The following ERN1 variants were observed in gnomAD, a reference collection of about 807,000 sequenced individuals.
ERN1 encodes serine/threonine-protein kinase/endoribonuclease IRE1.
In ERN1, 39 loss-of-function variants were observed where a neutral mutation model predicts 113.1. The observed-to-expected ratio is 0.34, with a 90% CI of 0.27 to 0.45. The LOEUF (loss-of-function observed/expected upper bound fraction) is 0.45. Ranked by LOEUF, ERN1 falls within the 20% of genes least tolerant of loss-of-function variation. ERN1 has a pLI of 1.00. For synonymous variants in ERN1, 507 were observed against 515.9 expected (o/e 0.98, Z 0.23); for missense variants, 976 against 1,274.8 (o/e 0.77, Z 3.57).
rs1913742881 is a variant in ERN1, at chr17:64,080,787, G to A, written c.197C>T (p.Thr66Ile). The A allele has an allele frequency of 3.7e-6, 6 of 1,610,832 alleles. No individual in the cohort carries two copies. Among genetic ancestry groups the A allele is most frequent in the Non-Finnish European group, 5.1e-6 (6 of 1,178,474 alleles). Residue 66 changes from threonine (T) to isoleucine (I), a missense_variant, in exon 3 of 22, where the codon ACA becomes ATA. Around this residue, in one of 5 missense-constraint regions of ERN1, gnomAD observed 459 missense variants for 581.2 expected, o/e 0.79. Coordinates refer to ENST00000433197, the MANE Select transcript of ERN1 (RefSeq NM_001433.5). ...LKEDPVLQVP[T>I]HVEEPAFLPD... ...TCAGAAAACTTACTCTTCCACATGT[G>A]TTGGGACCTGCAGGACTGGATCTGT... is the stretch of plus-strand genomic sequence containing the variant.
intron 12 of ERN1, among the ~76,000 whole-genome samples, chr17:64,057,383 TC>T (rs1912905961): frequency 6.6e-6 from 1 of 151,266 alleles, no homozygotes; most frequent in African/African-American, 2.4e-5. Context: ...TGAGATGGAG[TC>T]TTGCTCTGTC....
At position 64,098,212 on chromosome 17, in the gene ERN1, A is replaced by G. The variant is rs904692442; in HGVS notation, c.84T>C (p.Leu28=). Residue 28 remains leucine (L), a synonymous_variant, in exon 2 of 22, where the codon CTT becomes CTC. Transcript: ENST00000433197. The part of the protein sequence containing the change: ...GIFGSTSTVT[L]PETLLFVSTL... ...TTGACACAAACAACAAGGTTTCAGG[A>G]AGCGTCACTGTGCTGGTACTTCCAA... The G allele has an allele frequency of 1.2e-6, 2 of 1,613,928 alleles. No homozygotes were observed. The highest frequency in any genetic ancestry group is 1.7e-6 in the Non-Finnish European group (2 of 1,179,868).
chr17:64,064,030 C>T lies in ERN1; in HGVS notation c.1043G>A (p.Ser348Asn). The T allele has an allele frequency of 1.2e-6, 2 of 1,613,988 alleles. No individual in the cohort carries two copies. The highest frequency in any genetic ancestry group is 1.7e-4 in the Middle Eastern group (1 of 6,060). Residue 348 changes from serine to asparagine, a missense_variant, in exon 10 of 22, where the codon AGC becomes AAC. By Grantham distance (46) the Ser-to-Asn change is conservative. Transcript: ENST00000433197. ...TDVKFDPGLK[S>N]KNKLNYLRNY... is the part of the protein sequence containing the mutation. ...CCTCAAGTAGTTGAGCTTGTTCTTGCTTTTGAGTCCGGGATCAAACTTGAC... is the reference window on the plus strand; with the variant it reads ...CCTCAAGTAGTTGAGCTTGTTCTTGTTTTTGAGTCCGGGATCAAACTTGAC...
In ERN1 at chr17:64,044,347, A is replaced by G. The variant is rs895449157; in HGVS notation, c.2722-147T>C. The G allele has an allele frequency of 5.0e-5, 30 of 604,988 alleles. No individual in the cohort carries two copies. The highest frequency in any genetic ancestry group is 7.0e-5 in the Non-Finnish European group (26 of 368,858). 37.5% of individuals were successfully genotyped at this position (604,988 alleles called of 1,614,324 possible). ...AAAAAGAAAAAAGGCTTATGTATCC[A>G]AGAATCCAGCCCCGTCATCTCGCCT... On this transcript the variant is annotated intron_variant, in intron 21 of 21. Transcript: ENST00000433197. The surrounding 1 kb of genome is among the most constrained non-coding windows in gnomAD (Gnocchi z 4.1).
chr17:64,120,560 T>C (rs1914929016), intron 1 of ERN1, among the ~76,000 whole-genome samples: 1 of 152,234 alleles, frequency 6.6e-6, no homozygotes, highest in African/African-American at 2.4e-5. Flanking sequence ...TCATGTTTAA[T>C]ACATGAGAGG....
At chr17:64,080,754 T>C (rs375280799) in intron 3 of ERN1, 21 bp downstream of exon 3, 58 of 1,607,048 alleles carry the variant, frequency 3.6e-5, no homozygotes, top group African/African-American at 3.3e-4. Context: ...AGGGAAGTAC[T>C]GAGCGAATCA....
intron 1 of ERN1, among the ~76,000 whole-genome samples, chr17:64,109,156 C>A (rs1459599135): frequency 6.6e-6 from 1 of 151,762 alleles, no homozygotes; most frequent in Non-Finnish European, 1.5e-5. Context: ...GAAGTCCTCA[C>A]GTAGAAACCC....
chr17:64,080,653 G>A (rs1913738331), intron 3 of ERN1, 122 bp downstream of exon 3: 3 of 866,468 alleles, frequency 3.5e-6, no homozygotes, highest in East Asian at 2.7e-5. Flanking sequence ...GACTTTATAT[G>A]TCACTCACTG....
chr17:64,048,361 A>T (rs1015756831), intron 18 of ERN1, among the ~76,000 whole-genome samples: 2 of 152,252 alleles, frequency 1.3e-5, no homozygotes, highest in African/African-American at 4.8e-5. Flanking sequence ...GTATTTTTAT[A>T]AAATATGCAA....
chr17:64,117,067 A>G (rs1305825301), intron 1 of ERN1, among the ~76,000 whole-genome samples: 1 of 151,996 alleles, frequency 6.6e-6, no homozygotes, highest in African/African-American at 2.4e-5. Flanking sequence ...AGCAGAGATC[A>G]TGCCACTGCC....
chr17:64,088,315 A>G (rs1913991525), intron 2 of ERN1, among the ~76,000 whole-genome samples: 1 of 152,128 alleles, frequency 6.6e-6, no homozygotes, highest in Non-Finnish European at 1.5e-5. Flanking sequence ...TAACGCAGCA[A>G]TGGAAATCAG....
chr17:64,071,440 G>A (rs369874970), intron 6 of ERN1, among the ~76,000 whole-genome samples: 178 of 152,076 alleles, frequency 1.2e-3, no homozygotes, highest in African/African-American at 3.6e-3. Flanking sequence ...GGGCAGGGGG[G>A]ATGGAGTTTT....
intron 4 of ERN1, among the ~76,000 whole-genome samples, chr17:64,078,706 T>C (rs1021385782): frequency 1.3e-5 from 2 of 152,156 alleles, no homozygotes; most frequent in African/African-American, 4.8e-5. Context: ...ACACCACTTA[T>C]TGCAAAAACA....
At chr17:64,128,036 C>T (rs1200462747) in intron 1 of ERN1, among the ~76,000 whole-genome samples, 1 of 151,248 alleles carries the variant, frequency 6.6e-6, no homozygotes, top group African/African-American at 2.4e-5. Flanking sequence ...GAGTCTTGCT[C>T]TGTCACCCAG....
chr17:64,080,614 A>C (rs754449083), intron 3 of ERN1, 161 bp downstream of exon 3: 99 of 620,800 alleles, frequency 1.6e-4, no homozygotes, highest in Non-Finnish European at 2.5e-4. Flanking sequence ...CCTCCTCCTC[A>C]ACACAAGCTT....
intron 4 of ERN1, among the ~76,000 whole-genome samples, chr17:64,079,454 G>A (rs1913698819): frequency 6.6e-6 from 1 of 152,136 alleles, no homozygotes. Flanking sequence ...CCGTGTTTCT[G>A]AACTCTGGCA....
At chr17:64,067,990 G>A (rs946326900) in intron 7 of ERN1, 200 bp downstream of exon 7, 14 of 509,348 alleles carry the variant, frequency 2.7e-5, no homozygotes, top group Middle Eastern at 5.3e-4. Context: ...ATTTTACTTC[G>A]GTTTCCCTTC....
chr17:64,117,042 G>A (rs1306739713), intron 1 of ERN1, among the ~76,000 whole-genome samples: 1 of 151,874 alleles, frequency 6.6e-6, no homozygotes, highest in Admixed American at 6.6e-5. Flanking sequence ...AACCCGGGAG[G>A]CGGAGCTTGC....
At position 64,049,155 on chromosome 17, in the gene ERN1, T is replaced by A. The variant is rs758772642; in HGVS notation, c.2301A>T (p.Val767=). ...CAAAAGGGTGGCTGCCCTCAGAGAT[T>A]ACGTAGTAAAAGACGCAGCCTGCAG... The part of the protein sequence containing the change: ...IFSAGCVFYY[V]ISEGSHPFGK... The change falls in exon 18 of 22, where the codon GTA becomes GTT. Residue 767 remains valine (V), a synonymous_variant. Transcript: ENST00000433197. The surrounding 1 kb of genome is among the most constrained non-coding windows in gnomAD (Gnocchi z 4.7). 1.2e-6 allele frequency: 2 copies of A among 1,608,290 alleles called. No individual in the cohort carries two copies. Among genetic ancestry groups the A allele is most frequent in the Non-Finnish European group, 1.7e-6 (2 of 1,175,556 alleles).
Sources: gnomAD v4.1 joint callset for allele counts (sites outside exome capture counted in the v4.1 genomes callset) on GRCh38, gnomAD v4.1.1 for gene constraint, gnomAD v4.1.1 regional missense constraint, Gnocchi (gnomAD v3.1) non-coding constraint, MANE v1.5 for transcripts, NCBI Gene and HGNC (gene_info 2026-07-23, HGNC 2026-07-21) for gene names.